The following STAU2 variants were observed in gnomAD, a reference collection of about 807,000 sequenced individuals.
The protein encoded by STAU2 is double-stranded RNA-binding protein Staufen homolog 2.
A neutral mutation model predicts 65.9 loss-of-function variants in STAU2; 20 were observed. That is an observed-to-expected ratio of 0.30 (90% CI 0.21 to 0.44). The LOEUF is 0.44. Among genes scored for constraint, STAU2 ranks in the 20% least tolerant of loss-of-function variants. The pLI is 1.00. For synonymous variants in STAU2, 232 were observed against 233.9 expected (o/e 0.99, Z 0.07); for missense variants, 558 against 683.9 (o/e 0.82, Z 2.05).
In STAU2 at chr8:73,605,880, C is replaced by CACACAT. The variant is rs1811992128; in HGVS notation, c.892-2018_892-2017insATGTGT. 1.0e-3 allele frequency among the ~76,000 whole-genome samples: 5 copies of CACACAT among 4,912 alleles called. No individual in the cohort carries two copies. The South Asian group carries it at 0.015, about 15-fold the overall frequency. 3.2% of individuals were successfully genotyped at this position (4,912 alleles called of 152,430 possible). A position where few individuals can be genotyped will look rare whatever the true frequency, so the allele number is the denominator to read the frequency against. ...ACACACACACACACACACACACATA[C>CACACAT]ACACACACACACACACACACACACA... On this transcript the variant is annotated intron_variant, in intron 9 of 14. Coordinates refer to ENST00000524300, the MANE Select transcript of STAU2 (RefSeq NM_001164380.2).
chr8:73,463,670 T>C (rs1417791652), intron 13 of STAU2, among the ~76,000 whole-genome samples: 2 of 152,240 alleles, frequency 1.3e-5, no homozygotes, highest in Non-Finnish European at 2.9e-5. Context: ...TCAAGGTATA[T>C]GTACTTCATT....
intron 3 of STAU2, among the ~76,000 whole-genome samples, chr8:73,730,893 G>A (rs897877212): frequency 6.6e-6 from 1 of 152,126 alleles, no homozygotes; most frequent in African/African-American, 2.4e-5. Context: ...TAACGTCAAA[G>A]CAAGCATTTT....
intron 13 of STAU2, among the ~76,000 whole-genome samples, chr8:73,448,875 G>A (rs1369039231): frequency 2.0e-5 from 3 of 152,256 alleles, no homozygotes; most frequent in Admixed American, 6.5e-5. Context: ...TGCCGTGGGC[G>A]CTAGGGGCCA....
intron 13 of STAU2, among the ~76,000 whole-genome samples, chr8:73,498,452 T>A (rs1453243352): frequency 6.6e-6 from 1 of 151,798 alleles, no homozygotes; most frequent in Non-Finnish European, 1.5e-5. Context: ...TTAGTAGGTA[T>A]GCATGTTTAC....
intron 12 of STAU2, among the ~76,000 whole-genome samples, chr8:73,582,085 G>C (rs1472251436): frequency 6.6e-6 from 1 of 152,016 alleles, no homozygotes; most frequent in East Asian, 1.9e-4. Flanking sequence ...AGAGTATTAA[G>C]GAAAAATGTC....
At chr8:73,648,113 C>T (rs1191093431) in intron 6 of STAU2, among the ~76,000 whole-genome samples, 1 of 152,132 alleles carries the variant, frequency 6.6e-6, no homozygotes, top group African/African-American at 2.4e-5. Context: ...AAAGATTTTT[C>T]AAAAGGAAGA....
At chr8:73,685,044 G>A (rs1818695487) in intron 5 of STAU2, among the ~76,000 whole-genome samples, 2 of 152,138 alleles carry the variant, frequency 1.3e-5, no homozygotes, top group Admixed American at 6.6e-5. Flanking sequence ...TCCCATGATA[G>A]TGACTGAGTT....
At chr8:73,649,410 T>G (rs970663427) in intron 6 of STAU2, among the ~76,000 whole-genome samples, 1 of 152,178 alleles carries the variant, frequency 6.6e-6, no homozygotes, top group Admixed American at 6.5e-5. Flanking sequence ...GAGGTCCAGG[T>G]TGCCGACCCT....
chr8:73,658,225 G>A (rs1380556621), intron 6 of STAU2, among the ~76,000 whole-genome samples: 17 of 152,120 alleles, frequency 1.1e-4, no homozygotes, highest in East Asian at 5.8e-4. Flanking sequence ...AAAATTAGCC[G>A]GGCGTGGTGG....
intron 13 of STAU2, chr8:73,551,545 T>C: frequency 1.0e-6 from 1 of 987,676 alleles, no homozygotes; most frequent in Non-Finnish European, 1.2e-6. Flanking sequence ...ATGGTGTACC[T>C]GAATCAATAC....
intron 13 of STAU2, among the ~76,000 whole-genome samples, chr8:73,435,078 C>T (rs75417444): frequency 1.3e-5 from 2 of 151,738 alleles, no homozygotes; most frequent in Non-Finnish European, 2.9e-5. Context: ...CGCTCCCTGG[C>T]CAGCTGGTAT....
intron 9 of STAU2, among the ~76,000 whole-genome samples, chr8:73,612,939 G>C (rs1812580113): frequency 6.6e-6 from 1 of 152,162 alleles, no homozygotes; most frequent in African/African-American, 2.4e-5. Flanking sequence ...CACAGGCACT[G>C]TCCTGTACTA....
At chr8:73,603,951 C>A in intron 9 of STAU2, 88 bp from the exon 10 acceptor site, 1 of 1,349,442 alleles carries the variant, frequency 7.4e-7, no homozygotes, top group Non-Finnish European at 9.9e-7. Flanking sequence ...TTCCCTCCAC[C>A]CCCACACCCC....
chr8:73,542,186 AT>A (rs1181122827), intron 13 of STAU2, among the ~76,000 whole-genome samples: 1 of 152,180 alleles, frequency 6.6e-6, no homozygotes, highest in African/African-American at 2.4e-5. Flanking sequence ...AAGTATCTTA[AT>A]GCTTTAAGTA....
At chr8:73,604,177 A>C (rs906917313) in intron 9 of STAU2, among the ~76,000 whole-genome samples, 3 of 151,766 alleles carry the variant, frequency 2.0e-5, no homozygotes, top group African/African-American at 4.9e-5. Context: ...GAACAGAAGA[A>C]GACCAACCAT....
chr8:73,639,767 A>G (rs1178170593), intron 6 of STAU2, among the ~76,000 whole-genome samples: 1 of 152,164 alleles, frequency 6.6e-6, no homozygotes, highest in Non-Finnish European at 1.5e-5. Flanking sequence ...ATCTCTCCCA[A>G]ACCATAAAAT....
intron 6 of STAU2, among the ~76,000 whole-genome samples, chr8:73,617,866 A>G (rs1812947904): frequency 6.6e-6 from 1 of 150,654 alleles, no homozygotes; most frequent in Non-Finnish European, 1.5e-5. Flanking sequence ...GATTAGAAAT[A>G]TAGATTAGAA....
At chr8:73,478,233 C>T (rs1820418496) in intron 13 of STAU2, among the ~76,000 whole-genome samples, 1 of 144,262 alleles carries the variant, frequency 6.9e-6, no homozygotes, top group Non-Finnish European at 1.5e-5. Flanking sequence ...CTTCCCTGGG[C>T]CACATTGGAA....
intron 13 of STAU2, among the ~76,000 whole-genome samples, chr8:73,541,095 T>C (rs994895908): frequency 1.3e-5 from 2 of 152,200 alleles, no homozygotes; most frequent in African/African-American, 4.8e-5. Context: ...GGTTGAGATT[T>C]GAAAGTCTGC....
Sources: allele counts gnomAD v4.1 joint callset (sites outside exome capture counted in the v4.1 genomes callset), GRCh38; gene constraint gnomAD v4.1.1; transcripts MANE v1.5; gene names NCBI Gene and HGNC (gene_info 2026-07-23, HGNC 2026-07-21).